Variants in HOXB1 observed in about 807,000 individuals in gnomAD.
HOXB1 encodes homeobox B1.
In HOXB1, 13 loss-of-function variants were observed where a neutral mutation model predicts 26.9. The ratio of observed to expected loss-of-function variants is 0.48; its 90% CI spans 0.31 to 0.77. The LOEUF is 0.77. Among genes scored for constraint, HOXB1 ranks in the 30% least tolerant of loss-of-function variants. The pLI is 0.04. For synonymous variants in HOXB1, 168 were observed against 170.8 expected (o/e 0.98, Z 0.13); for missense variants, 366 against 403.6 (o/e 0.91, Z 0.80).
rs1280750340 is a variant in HOXB1, at chr17:48,528,973, T to G, written c.*574A>C. The G allele has an allele frequency of 6.6e-6, 1 of 151,878 alleles. No homozygotes were observed. The highest frequency in any genetic ancestry group is 1.5e-5 in the Non-Finnish European group (1 of 68,036). The allele number at this position is 151,878 out of a possible 1,614,324, so 9.4% of individuals were successfully genotyped here. Reference sequence around the variant, plus strand: ...TATAAATATGCCAGGAGAGGGCTAATGGGGTTAGATGGGGGCGGGGGGCTT... The same window carrying G: ...TATAAATATGCCAGGAGAGGGCTAAGGGGGTTAGATGGGGGCGGGGGGCTT... On this transcript the variant is annotated 3_prime_UTR_variant, in exon 2 of 2. Coordinates refer to ENST00000239174, the MANE Select transcript of HOXB1 (RefSeq NM_002144.4).
chr17:48,529,562 G>A lies in HOXB1; in HGVS notation c.891C>T (p.Ser297=). 1 of 1,531,504 alleles carries A rather than the reference G, an allele frequency of 6.5e-7. No individual in the cohort carries two copies. Among genetic ancestry groups the A allele is most frequent in the Non-Finnish European group, 8.8e-7 (1 of 1,137,778 alleles). 94.9% of individuals were successfully genotyped at this position (1,531,504 alleles called of 1,614,324 possible). Reference sequence around the variant, plus strand: ...TAGGTTCAGTTCAGGAGGTGACAGAGCTGGGTGAGGCTTCCGGGGAGGTGC... The same window carrying A: ...TAGGTTCAGTTCAGGAGGTGACAGAACTGGGTGAGGCTTCCGGGGAGGTGC... The part of the protein sequence containing the change: ...STCTSPEASP[S]SVTS Residue 297 remains serine (S), a synonymous_variant, in exon 2 of 2, where the codon AGC becomes AGT. Coordinates refer to ENST00000239174, the MANE Select transcript of HOXB1 (RefSeq NM_002144.4).
rs762486481 is a variant in HOXB1 at position 48,530,270 on chromosome 17, C to A, written c.577+58G>T. On this transcript the variant is annotated intron_variant, in intron 1 of 1. Coordinates refer to ENST00000239174, the MANE Select transcript of HOXB1 (RefSeq NM_002144.4). This position sits in a 1 kb window ranked among gnomAD's most constrained non-coding sequence, Gnocchi z 6.2. ...AGCCCAGACCCAGGACATGTCACTG[C>A]AGGGGAAGCAGAGATGCTTTGGGCC... 6 of 1,441,800 alleles carry A rather than the reference C, an allele frequency of 4.2e-6. No individual in the cohort carries two copies. Among genetic ancestry groups the A allele is most frequent in the African/African-American group, 1.4e-5 (1 of 71,422 alleles). The allele number at this position is 1,441,800 out of a possible 1,614,324, so 89.3% of individuals were successfully genotyped here.
At position 48,530,492 on chromosome 17, in the gene HOXB1, G is replaced by A. The variant is rs1326906734; in HGVS notation, c.413C>T (p.Pro138Leu). ...GTTCCCATAAGGGGGATGCTGCGGA[G>A]GATATGGCCCCGGACCGGCTCCACC... ...GAGGAGPGPY[P>L]PQHPPYGNEQ... Residue 138 changes from proline (P) to leucine (L), a missense_variant, in exon 1 of 2, where the codon CCT (proline) becomes CTT (leucine). Physicochemically the swap from Pro to Leu is moderately conservative, Grantham distance 98 (BLOSUM62 -3). Transcript: ENST00000239174. The surrounding 1 kb of genome is among the most constrained non-coding windows in gnomAD (Gnocchi z 6.2). 3.1e-6 allele frequency: 5 copies of A among 1,614,094 alleles called. No individual in the cohort carries two copies. Among genetic ancestry groups the A allele is most frequent in the Non-Finnish European group, 3.4e-6 (4 of 1,179,990 alleles).
chr17:48,530,647 A>G lies in HOXB1; in HGVS notation c.258T>C (p.Pro86=). ...GCCCGTAGCTGGGGCTGCAGGCGGCAGGAGCATACCCCGAGGGCGCGGAGC... is the reference window on the plus strand; with the variant it reads ...GCCCGTAGCTGGGGCTGCAGGCGGCGGGAGCATACCCCGAGGGCGCGGAGC... The part of the protein sequence containing the change: ...FPSSAPSGYA[P]AACSPSYGPS... Residue 86 remains proline, a synonymous_variant, in exon 1 of 2, where the codon CCT becomes CCC. Transcript: ENST00000239174. The surrounding 1 kb of genome is among the most constrained non-coding windows in gnomAD (Gnocchi z 6.2). 1 of 1,613,892 alleles carries G rather than the reference A, an allele frequency of 6.2e-7. No homozygotes were observed. The highest frequency in any genetic ancestry group is 8.5e-7 in the Non-Finnish European group (1 of 1,179,984).
In HOXB1 at chr17:48,530,737, C is replaced by T. The variant is rs758695835; in HGVS notation, c.168G>A (p.Ala56=). Residue 56 remains alanine, a synonymous_variant, in exon 1 of 2, where the codon GCG becomes GCA. Coordinates refer to ENST00000239174, the MANE Select transcript of HOXB1 (RefSeq NM_002144.4). This position sits in a 1 kb window ranked among gnomAD's most constrained non-coding sequence, Gnocchi z 6.2. ...GRYGGGLSSP[A]FQQNSGYPAQ... is the part of the protein sequence containing the mutation. ...CGGGATAGCCGGAGTTCTGCTGAAACGCAGGGCTGGACAGCCCCCCACCGT... is the reference window on the plus strand; with the variant it reads ...CGGGATAGCCGGAGTTCTGCTGAAATGCAGGGCTGGACAGCCCCCCACCGT... The T allele has an allele frequency of 3.7e-6, 6 of 1,611,538 alleles. No individual in the cohort carries two copies. The highest frequency in any genetic ancestry group is 3.3e-5 in the South Asian group (3 of 90,664).
At position 48,529,410 on chromosome 17, in the gene HOXB1, A is replaced by C; in HGVS notation, c.*137T>G. 30 of 461,972 alleles carry C rather than the reference A, an allele frequency of 6.5e-5. No individual in the cohort carries two copies. The highest frequency in any genetic ancestry group is 2.7e-4 in the East Asian group (7 of 25,626). The allele number at this position is 461,972 out of a possible 1,614,324, so 28.6% of individuals were successfully genotyped here. ...CCCATCCCCCCTCCCACCCCCAGGC[A>C]GCTCTAAACTGGCATTTCAGCCCTA... is the stretch of plus-strand genomic sequence containing the variant. On this transcript the variant is annotated 3_prime_UTR_variant, in exon 2 of 2. Transcript: ENST00000239174.
Position 48,529,480 on chromosome 17 carries a change from G to T in HOXB1, c.*67C>A. On this transcript the variant is annotated 3_prime_UTR_variant, in exon 2 of 2. Transcript: ENST00000239174. ...TGAAGCCCAGGCCTGGGGTTGGGGA[G>T]AGCCTGGGATAGGGCTGGACTGGGG... 3.2e-6 allele frequency: 4 copies of T among 1,249,734 alleles called. No homozygotes were observed. The South Asian group carries it at 7.2e-5, about 22-fold the overall frequency. The allele number at this position is 1,249,734 out of a possible 1,614,324, so 77.4% of individuals were successfully genotyped here.
At position 48,529,785 on chromosome 17, in the gene HOXB1, TG is replaced by T; in HGVS notation, c.667del (p.His223IlefsTer6). 6.2e-7 allele frequency: 1 copy of T among 1,605,658 alleles called. No individual in the cohort carries two copies. On this transcript the variant is annotated frameshift_variant, in exon 2 of 2. Coordinates refer to ENST00000239174, the MANE Select transcript of HOXB1 (RefSeq NM_002144.4). LOFTEE classifies it high-confidence loss of function. ...GGCCCGGCTCAGGTACTTGTTGAAA[TG>T]GAACTCCTTTTCCAGTTCTGTCAGC... The part of the protein sequence containing the change: ...RQLTELEKEF[H>X]FNKYLSRARR...
chr17:48,530,123 T>C lies in HOXB1; in HGVS notation c.577+205A>G. 1.6e-6 allele frequency: 1 copy of C among 621,880 alleles called. No individual in the cohort carries two copies. The highest frequency in any genetic ancestry group is 2.9e-6 in the Non-Finnish European group (1 of 350,476). The allele number at this position is 621,880 out of a possible 1,614,324, so 38.5% of individuals were successfully genotyped here. ...TGGGTGCACAGATCAGGAAGTGGGG[T>C]GTGTATGGAAACTTACTCCTGGGGT... On this transcript the variant is annotated intron_variant, in intron 1 of 1. Coordinates refer to ENST00000239174, the MANE Select transcript of HOXB1 (RefSeq NM_002144.4). The surrounding 1 kb of genome is among the most constrained non-coding windows in gnomAD (Gnocchi z 6.2).
rs560538130 is a variant in HOXB1 at position 48,530,765 on chromosome 17, C to T, written c.140G>A (p.Arg47His). The T allele has an allele frequency of 3.7e-6, 6 of 1,610,338 alleles. No homozygotes were observed. The African/African-American group carries it at 4.0e-5, about 11-fold the overall frequency. The change falls in exon 1 of 2, where the codon CGC becomes CAC. Residue 47 changes from arginine (R) to histidine (H), a missense_variant. Coordinates refer to ENST00000239174, the MANE Select transcript of HOXB1 (RefSeq NM_002144.4). The surrounding 1 kb of genome is among the most constrained non-coding windows in gnomAD (Gnocchi z 6.2). ...AGGGCTGGACAGCCCCCCACCGTAGCGGCCCTCGCTTGCATAGCTGTCAAC... is the reference window on the plus strand; with the variant it reads ...AGGGCTGGACAGCCCCCCACCGTAGTGGCCCTCGCTTGCATAGCTGTCAAC... ...QAVDSYASEG[R>H]YGGGLSSPAF...
rs1049731710 is a variant in HOXB1 at position 48,529,408 on chromosome 17, G to C, written c.*139C>G. 14 of 568,610 alleles carry C rather than the reference G, an allele frequency of 2.5e-5. No individual in the cohort carries two copies. The highest frequency in any genetic ancestry group is 2.0e-5 in the Non-Finnish European group (7 of 356,898). The allele number at this position is 568,610 out of a possible 1,614,324, so 35.2% of individuals were successfully genotyped here. On this transcript the variant is annotated 3_prime_UTR_variant, in exon 2 of 2. Transcript: ENST00000239174. ...TCCCCATCCCCCCTCCCACCCCCAGGCAGCTCTAAACTGGCATTTCAGCCC... is the reference window on the plus strand; with the variant it reads ...TCCCCATCCCCCCTCCCACCCCCAGCCAGCTCTAAACTGGCATTTCAGCCC...
At position 48,530,993 on chromosome 17, in the gene HOXB1, C is replaced by G; in HGVS notation, c.-89G>C. 1.1e-6 allele frequency: 1 copy of G among 950,974 alleles called. No individual in the cohort carries two copies. Among genetic ancestry groups the G allele is most frequent in the Non-Finnish European group, 1.5e-6 (1 of 648,488 alleles). The allele number at this position is 950,974 out of a possible 1,614,324, so 58.9% of individuals were successfully genotyped here. On this transcript the variant is annotated 5_prime_UTR_variant, in exon 1 of 2. Coordinates refer to ENST00000239174, the MANE Select transcript of HOXB1 (RefSeq NM_002144.4). The surrounding 1 kb of genome is among the most constrained non-coding windows in gnomAD (Gnocchi z 6.2). The stretch of plus-strand genomic sequence containing the variant: ...GGCAGTATGTCACAGCGCTGGGGCT[C>G]GAATCCATGGCCTGACCCGCTCGCC...
In HOXB1 at chr17:48,529,436, G is replaced by C; in HGVS notation, c.*111C>G. On this transcript the variant is annotated 3_prime_UTR_variant, in exon 2 of 2. Coordinates refer to ENST00000239174, the MANE Select transcript of HOXB1 (RefSeq NM_002144.4). ...GCTCTAAACTGGCATTTCAGCCCTA[G>C]AGAGGATCCCCAGGCCAGTGAAGCC... The C allele has an allele frequency of 1.2e-6, 1 of 805,068 alleles. No homozygotes were observed. Among genetic ancestry groups the C allele is most frequent in the Non-Finnish European group, 1.9e-6 (1 of 537,630 alleles). The allele number at this position is 805,068 out of a possible 1,614,324, so 49.9% of individuals were successfully genotyped here. A position where few individuals can be genotyped will look rare whatever the true frequency, so the allele number is the denominator to read the frequency against.
rs552256514 is a variant in HOXB1, at chr17:48,529,341, G to C, written c.*206C>G. The C allele has an allele frequency of 2.3e-6, 1 of 428,936 alleles. No homozygotes were observed. The highest frequency in any genetic ancestry group is 3.4e-5 in the East Asian group (1 of 29,600). The allele number at this position is 428,936 out of a possible 1,614,324, so 26.6% of individuals were successfully genotyped here. ...AGGTTCCATGCCTCCCAGGCCTCTG[G>C]TCCTGTAGGGCCCCCAGCCACCCAG... On this transcript the variant is annotated 3_prime_UTR_variant, in exon 2 of 2. Coordinates refer to ENST00000239174, the MANE Select transcript of HOXB1 (RefSeq NM_002144.4).
Position 48,530,552 on chromosome 17 carries a change from G to A in HOXB1, c.353C>T (p.Ala118Val), listed in dbSNP as rs780429744. Residue 118 changes from alanine (A) to valine (V), a missense_variant, in exon 1 of 2, where the codon GCC becomes GTC. Physicochemically the swap from Ala to Val is moderately conservative, Grantham distance 64. Transcript: ENST00000239174. This position sits in a 1 kb window ranked among gnomAD's most constrained non-coding sequence, Gnocchi z 6.2. ...GCCATCGGACAAGCCCCCTAGCTGG[G>A]CCCCGTAGCTCGAGGGATGAAAATA... ...GGYFHPSSYG[A>V]QLGGLSDGYG... 9 of 1,614,138 alleles carry A rather than the reference G, an allele frequency of 5.6e-6. No homozygotes were observed. In the Admixed American group the frequency reaches 1.5e-4, roughly 27 times the overall value.
rs780206408 is a variant in HOXB1, at chr17:48,529,742, G to A, written c.711C>T (p.Ala237=). The A allele has an allele frequency of 1.9e-6, 3 of 1,611,778 alleles. No homozygotes were observed. Among genetic ancestry groups the A allele is most frequent in the Non-Finnish European group, 2.5e-6 (3 of 1,179,952 alleles). Residue 237 remains alanine (A), a synonymous_variant, in exon 2 of 2, where the codon GCC becomes GCT. Transcript: ENST00000239174. ...YLSRARRVEI[A]ATLELNETQV... ...GTGTTTCATTGAGCTCCAGGGTGGC[G>A]GCAATCTCCACCCTCCGGGCCCGGC...
Position 48,529,756 on chromosome 17 carries a change from T to C in HOXB1, c.697A>G (p.Arg233Gly). ...TCCAGGGTGGCGGCAATCTCCACCC[T>C]CCGGGCCCGGCTCAGGTACTTGTTG... The part of the protein sequence containing the change: ...HFNKYLSRAR[R>G]VEIAATLELN... Residue 233 changes from arginine (R) to glycine (G), a missense_variant, in exon 2 of 2, where the codon AGG (arginine) becomes GGG (glycine). Coordinates refer to ENST00000239174, the MANE Select transcript of HOXB1 (RefSeq NM_002144.4). 6.2e-7 allele frequency: 1 copy of C among 1,610,440 alleles called. No homozygotes were observed.
chr17:48,530,025 T>G lies in HOXB1; in HGVS notation c.578-150A>C. ...TCCCAGGGACCACCAGGTACCCCCA[T>G]GGTGATCACCAAGTCTGGAGCAGCC... On this transcript the variant is annotated intron_variant, in intron 1 of 1. Coordinates refer to ENST00000239174, the MANE Select transcript of HOXB1 (RefSeq NM_002144.4). The surrounding 1 kb of genome is among the most constrained non-coding windows in gnomAD (Gnocchi z 6.2). 1 of 682,114 alleles carries G rather than the reference T, an allele frequency of 1.5e-6. No individual in the cohort carries two copies. 42.3% of individuals were successfully genotyped at this position (682,114 alleles called of 1,614,324 possible).
chr17:48,529,993 T>C, intron 1 of HOXB1, 118 bp from the exon 2 acceptor site: 1 of 907,550 alleles, frequency 1.1e-6, no homozygotes, highest in Non-Finnish European at 1.7e-6. Flanking sequence ...AGTACAGTTG[T>C]CAAAGTTCCC....
Sources: gnomAD v4.1 joint callset for allele counts on GRCh38, gnomAD v4.1.1 for gene constraint, Gnocchi (gnomAD v3.1) non-coding constraint, MANE v1.5 for transcripts, NCBI Gene and HGNC (gene_info 2026-07-23, HGNC 2026-07-21) for gene names.